Variants in LRRTM4 observed in about 807,000 individuals in gnomAD.
LRRTM4 encodes leucine-rich repeat transmembrane neuronal protein 4.
In LRRTM4, 25 loss-of-function variants were observed where a neutral mutation model predicts 47.6. The observed-to-expected ratio is 0.53, with a 90% CI of 0.38 to 0.73. The LOEUF is 0.73. Among genes scored for constraint, LRRTM4 ranks in the 30% least tolerant of loss-of-function variants. LRRTM4 has a pLI of 0.00. For missense variants in LRRTM4, 638 were observed against 713.4 expected, an observed-to-expected ratio of 0.89 and a Z score of 1.20; for synonymous variants, 311 against 269.5, an observed-to-expected ratio of 1.15 and a Z score of -1.51.
intron 3 of LRRTM4, among the ~76,000 whole-genome samples, chr2:76,853,325 G>T (rs1483356748): frequency 3.3e-5 from 5 of 151,970 alleles, no homozygotes; most frequent in African/African-American, 1.2e-4. Flanking sequence ...ATGGGCTCTT[G>T]GTCCCTCTAG....
chr2:77,024,891 TTAA>T (rs1678399989), intron 3 of LRRTM4, among the ~76,000 whole-genome samples: 1 of 152,176 alleles, frequency 6.6e-6, no homozygotes, highest in Non-Finnish European at 1.5e-5. Context: ...AGGACACTTC[TTAA>T]TTGATAATGT....
intron 3 of LRRTM4, among the ~76,000 whole-genome samples, chr2:77,030,143 T>C (rs182842325): frequency 5.3e-5 from 8 of 152,234 alleles, no homozygotes; most frequent in South Asian, 2.1e-4. Context: ...GTGATAAAAA[T>C]GTAAATAGGC....
At chr2:77,061,425 C>T (rs1471870995) in intron 3 of LRRTM4, among the ~76,000 whole-genome samples, 1 of 152,012 alleles carries the variant, frequency 6.6e-6, no homozygotes, top group African/African-American at 2.4e-5. Context: ...TGCAGAGTTG[C>T]TGAGAGTCAA....
intron 3 of LRRTM4, among the ~76,000 whole-genome samples, chr2:77,135,875 A>T (rs561304307): frequency 3.3e-5 from 5 of 152,302 alleles, no homozygotes; most frequent in Admixed American, 1.3e-4. Flanking sequence ...AAATAAATAA[A>T]TTTTTACATT....
At chr2:76,974,235 TA>T in intron 3 of LRRTM4, among the ~76,000 whole-genome samples, 1 of 141,292 alleles carries the variant, frequency 7.1e-6, no homozygotes, top group Non-Finnish European at 1.5e-5. Flanking sequence ...TACATATATA[TA>T]TATACATATA....
chr2:77,057,371 A>T (rs956736786), intron 3 of LRRTM4, among the ~76,000 whole-genome samples: 2 of 152,204 alleles, frequency 1.3e-5, no homozygotes, highest in South Asian at 2.1e-4. Context: ...AGCAATTGTG[A>T]TATGTGTGCG....
intron 3 of LRRTM4, among the ~76,000 whole-genome samples, chr2:76,822,035 T>G (rs1671066456): frequency 6.6e-6 from 1 of 151,524 alleles, no homozygotes; most frequent in Non-Finnish European, 1.5e-5. Flanking sequence ...TCAATAAAAA[T>G]AAAACAAACC....
intron 3 of LRRTM4, among the ~76,000 whole-genome samples, chr2:77,318,592 A>G (rs1280801739): frequency 6.6e-6 from 1 of 152,142 alleles, no homozygotes; most frequent in African/African-American, 2.4e-5. Flanking sequence ...CTTACTTAAT[A>G]CCATTGTGGC....
intron 3 of LRRTM4, among the ~76,000 whole-genome samples, chr2:76,862,815 G>A (rs1672357625): frequency 6.6e-6 from 1 of 152,136 alleles, no homozygotes; most frequent in Non-Finnish European, 1.5e-5. Context: ...TTGAAGAACT[G>A]GAGCTAAAAG....
At chr2:77,067,266 G>GA (rs1679987226) in intron 3 of LRRTM4, among the ~76,000 whole-genome samples, 1 of 152,004 alleles carries the variant, frequency 6.6e-6, no homozygotes, top group African/African-American at 2.4e-5. Flanking sequence ...AAACTTAAGG[G>GA]AAAATCCTGA....
chr2:77,286,931 C>T (rs1246064229), intron 3 of LRRTM4, among the ~76,000 whole-genome samples: 1 of 152,080 alleles, frequency 6.6e-6, no homozygotes, highest in Non-Finnish European at 1.5e-5. Context: ...CTCAGAATCA[C>T]ATAATAAATT....
intron 3 of LRRTM4, among the ~76,000 whole-genome samples, chr2:76,813,984 T>A (rs1670824330): frequency 6.6e-6 from 1 of 152,162 alleles, no homozygotes; most frequent in South Asian, 2.1e-4. Flanking sequence ...CACATTATGT[T>A]TAGCTTTTAT....
chr2:77,402,031 A>T (rs1458181771), intron 3 of LRRTM4, among the ~76,000 whole-genome samples: 2 of 152,074 alleles, frequency 1.3e-5, no homozygotes, highest in African/African-American at 4.8e-5. Flanking sequence ...AATATATTGT[A>T]CATAGGTGTG....
intron 3 of LRRTM4, among the ~76,000 whole-genome samples, chr2:77,128,465 T>G (rs1397506259): frequency 6.6e-6 from 1 of 152,166 alleles, no homozygotes. Flanking sequence ...TTTCCATTGA[T>G]GTACCTGGGC....
At chr2:76,960,271 G>A (rs1472979766) in intron 3 of LRRTM4, among the ~76,000 whole-genome samples, 3 of 151,504 alleles carry the variant, frequency 2.0e-5, no homozygotes, top group African/African-American at 7.3e-5. Flanking sequence ...AATGCTACGA[G>A]AGAGATAACA....
Position 77,518,731 on chromosome 2 carries a change from T to G in LRRTM4, c.1138A>C (p.Lys380Gln), listed in dbSNP as rs768526519. The change falls in exon 3 of 4, where the codon AAA becomes CAA. Residue 380 changes from lysine to glutamine, a missense_variant. By Grantham distance (53) the Lys-to-Gln change is moderately conservative. Coordinates refer to ENST00000409884, the MANE Select transcript of LRRTM4 (RefSeq NM_001134745.3). ...GTAGGTCTAGGGATAATCAGAGGTTTCTGGGGAGTTTGGGGCACCAGGTGT... is the reference window on the plus strand; with the variant it reads ...GTAGGTCTAGGGATAATCAGAGGTTGCTGGGGAGTTTGGGGCACCAGGTGT... Reference protein sequence around the residue: ...RSHLVPQTPQKPLIIPRPTIF... With the variant: ...RSHLVPQTPQQPLIIPRPTIF... The G allele has an allele frequency of 6.2e-7, 1 of 1,613,514 alleles. No homozygotes were observed. Among genetic ancestry groups the G allele is most frequent in the Admixed American group, 1.7e-5 (1 of 59,870 alleles).
At chr2:77,369,330 G>A (rs1411039031) in intron 3 of LRRTM4, among the ~76,000 whole-genome samples, 1 of 150,854 alleles carries the variant, frequency 6.6e-6, no homozygotes, top group Non-Finnish European at 1.5e-5. Flanking sequence ...GTAGCCCATG[G>A]GATCTTAAAA....
intron 3 of LRRTM4, among the ~76,000 whole-genome samples, chr2:77,318,921 T>G (rs1426647189): frequency 6.6e-6 from 1 of 152,122 alleles, no homozygotes; most frequent in African/African-American, 2.4e-5. Flanking sequence ...TCAAGATAAT[T>G]GCACCCTCTG....
At chr2:76,999,945 C>T (rs1445266236) in intron 3 of LRRTM4, among the ~76,000 whole-genome samples, 1 of 152,004 alleles carries the variant, frequency 6.6e-6, no homozygotes. Context: ...GAGTGACAGC[C>T]CTATATACTA....
Sources: gnomAD v4.1 joint callset for allele counts (sites outside exome capture counted in the v4.1 genomes callset) on GRCh38, gnomAD v4.1.1 for gene constraint, MANE v1.5 for transcripts, NCBI Gene and HGNC (gene_info 2026-07-23, HGNC 2026-07-21) for gene names.